The following HHAT variants were observed in gnomAD, a reference collection of about 807,000 sequenced individuals.
HHAT encodes the protein protein-cysteine N-palmitoyltransferase HHAT.
In HHAT, 47 loss-of-function variants were observed where a neutral mutation model predicts 70.8. That is an observed-to-expected ratio of 0.66 (90% CI 0.53 to 0.85). The LOEUF (loss-of-function observed/expected upper bound fraction) is 0.85. HHAT is among the 40% of genes least tolerant of loss of function. The pLI is 0.00. For synonymous variants in HHAT, 228 were observed against 247.6 expected, an observed-to-expected ratio of 0.92 and a Z score of 0.74; for missense variants, 609 against 604.8, an observed-to-expected ratio of 1.01 and a Z score of -0.07.
rs1553313987 is a variant in HHAT at position 210,340,242 on chromosome 1, G to GGGGAAAAAAAAAAA, written c.-43-8691_-43-8690insGGGAAAAAAAAAAA. ...GGGGATAGAGCAAGACTCTGTCTCA[G>GGGGAAAAAAAAAAA]AAAAAAAAAAAAAAAAAAAAAAAAA... On this transcript the variant is annotated intron_variant, in intron 1 of 11. Transcript: ENST00000261458. Among the ~76,000 whole-genome samples the GGGGAAAAAAAAAAA allele has an allele frequency of 2.0e-5, 2 of 99,784 alleles. 1 individual carries two copies. The highest frequency in any genetic ancestry group is 6.8e-5 in the African/African-American group (2 of 29,606). The allele number at this position is 99,784 out of a possible 152,430, so 65.5% of individuals were successfully genotyped here.
chr1:210,674,552 C>A lies in HHAT; in HGVS notation c.*173C>A, dbSNP rs1680833836. ...CATAGAAAATTCACAGCCAGACAATCTTCTAATCTGGAGTCTTTGAGATCT... is the reference window on the plus strand; with the variant it reads ...CATAGAAAATTCACAGCCAGACAATATTCTAATCTGGAGTCTTTGAGATCT... On this transcript the variant is annotated 3_prime_UTR_variant, in exon 12 of 12. Transcript: ENST00000261458. The A allele has an allele frequency of 1.7e-6, 1 of 585,798 alleles. No homozygotes were observed. The highest frequency in any genetic ancestry group is 2.2e-5 in the South Asian group (1 of 46,332). The allele number at this position is 585,798 out of a possible 1,614,324, so 36.3% of individuals were successfully genotyped here.
chr1:210,545,436 CTTTT>C (rs71571956), intron 9 of HHAT, among the ~76,000 whole-genome samples: 1 of 127,184 alleles, frequency 7.9e-6, no homozygotes, highest in Non-Finnish European at 1.6e-5. Context: ...CTTTTTTTTC[CTTTT>C]TTTTTTTTTT....
At chr1:210,557,820 G>A (rs543845443) in intron 9 of HHAT, among the ~76,000 whole-genome samples, 2 of 152,262 alleles carry the variant, frequency 1.3e-5, no homozygotes, top group East Asian at 3.9e-4. Flanking sequence ...TGAAATTTGG[G>A]TGGGAACACA....
At chr1:210,578,442 G>C (rs555751558) in intron 9 of HHAT, among the ~76,000 whole-genome samples, 1 of 152,048 alleles carries the variant, frequency 6.6e-6, no homozygotes, top group Non-Finnish European at 1.5e-5. Flanking sequence ...ATAAAAAAGA[G>C]CTACTATGTG....
chr1:210,518,274 T>A (rs1325030798), intron 9 of HHAT, among the ~76,000 whole-genome samples: 2 of 152,184 alleles, frequency 1.3e-5, no homozygotes, highest in Non-Finnish European at 2.9e-5. Flanking sequence ...AACCACTGTT[T>A]TATTCTCTGT....
At chr1:210,516,675 C>T (rs771058865) in intron 9 of HHAT, among the ~76,000 whole-genome samples, 2 of 152,120 alleles carry the variant, frequency 1.3e-5, no homozygotes, top group Non-Finnish European at 2.9e-5. Flanking sequence ...TTTATTAGCT[C>T]CAACAAGCTC....
intron 9 of HHAT, among the ~76,000 whole-genome samples, chr1:210,558,269 C>T (rs1038273733): frequency 6.6e-6 from 1 of 152,116 alleles, no homozygotes; most frequent in Non-Finnish European, 1.5e-5. Flanking sequence ...TCTCAGTGTC[C>T]CTCATAGTTC....
At chr1:210,615,498 A>G (rs1423471336) in intron 10 of HHAT, among the ~76,000 whole-genome samples, 3 of 152,144 alleles carry the variant, frequency 2.0e-5, no homozygotes, top group Non-Finnish European at 4.4e-5. Flanking sequence ...CATTCCTTTG[A>G]AGGAGGAGAG....
At chr1:210,568,026 G>A (rs952941098) in intron 9 of HHAT, among the ~76,000 whole-genome samples, 9 of 152,230 alleles carry the variant, frequency 5.9e-5, no homozygotes, top group African/African-American at 2.2e-4. Context: ...GTAGCTTCAG[G>A]ATGAGGCTCA....
intron 9 of HHAT, among the ~76,000 whole-genome samples, chr1:210,552,390 G>T (rs1222829091): frequency 6.6e-6 from 1 of 152,176 alleles, no homozygotes; most frequent in East Asian, 1.9e-4. Context: ...AAAACCTCTG[G>T]CCTGTGCCTT....
At chr1:210,361,447 C>T (rs915865830) in intron 2 of HHAT, among the ~76,000 whole-genome samples, 2 of 152,142 alleles carry the variant, frequency 1.3e-5, no homozygotes, top group East Asian at 1.9e-4. Context: ...GGCTGGGGCT[C>T]CTGGAGGTGT....
intron 6 of HHAT, 30 bp downstream of exon 6, chr1:210,404,709 T>A (rs2092254095): frequency 6.4e-7 from 1 of 1,570,142 alleles, no homozygotes; most frequent in African/African-American, 1.4e-5. Context: ...GGATTGGGAT[T>A]CTATAGCTTA....
Position 210,464,628 on chromosome 1 carries a change from C to T in HHAT, c.980C>T (p.Thr327Ile), listed in dbSNP as rs2148440238. ...TPPALPRCVS[T>I]MFSFTGMWRY... ...CCCGCCCTCCCCCGCTGCGTGAGCACCATGTTCAGTTTCACCGGGATGTGG... is the reference window on the plus strand; with the variant it reads ...CCCGCCCTCCCCCGCTGCGTGAGCATCATGTTCAGTTTCACCGGGATGTGG... Residue 327 changes from threonine to isoleucine, a missense_variant, in exon 8 of 12, where the codon ACC becomes ATC. Coordinates refer to ENST00000261458, the MANE Select transcript of HHAT (RefSeq NM_018194.6). The T allele has an allele frequency of 3.7e-6, 6 of 1,614,194 alleles. No homozygotes were observed. Among genetic ancestry groups the T allele is most frequent in the East Asian group, 2.2e-5 (1 of 44,872 alleles).
chr1:210,560,817 A>T (rs944514881), intron 9 of HHAT, among the ~76,000 whole-genome samples: 3 of 42,054 alleles, frequency 7.1e-5, no homozygotes, highest in African/African-American at 1.6e-4. Flanking sequence ...TGTGTCTTAA[A>T]AAAAAAAAAA....
chr1:210,558,695 G>C (rs898814663), intron 9 of HHAT, among the ~76,000 whole-genome samples: 1 of 152,140 alleles, frequency 6.6e-6, no homozygotes, highest in African/African-American at 2.4e-5. Context: ...TTTCCAAATG[G>C]GTAAGCAGTC....
At chr1:210,563,543 A>G (rs1031249601) in intron 9 of HHAT, among the ~76,000 whole-genome samples, 1 of 152,134 alleles carries the variant, frequency 6.6e-6, no homozygotes, top group African/African-American at 2.4e-5. Flanking sequence ...TCACAAGGGC[A>G]CTCTTGCACA....
At chr1:210,493,476 A>G (rs1257040999) in intron 8 of HHAT, among the ~76,000 whole-genome samples, 2 of 152,112 alleles carry the variant, frequency 1.3e-5, no homozygotes, top group Non-Finnish European at 2.9e-5. Flanking sequence ...ATGGAGGGTA[A>G]TCTGCTTTAT....
chr1:210,387,670 G>A (rs2091185533), intron 4 of HHAT, 89 bp downstream of exon 4: 1 of 953,954 alleles, frequency 1.0e-6, no homozygotes, highest in Non-Finnish European at 1.6e-6. Flanking sequence ...GGAAGACTTG[G>A]ATATTAGCAC....
At chr1:210,523,630 G>A (rs1209336998) in intron 9 of HHAT, among the ~76,000 whole-genome samples, 2 of 152,128 alleles carry the variant, frequency 1.3e-5, no homozygotes, top group East Asian at 1.9e-4. Context: ...GCACACGTGC[G>A]CATGTGTGTT....
Sources: allele counts gnomAD v4.1 joint callset (sites outside exome capture counted in the v4.1 genomes callset), GRCh38; gene constraint gnomAD v4.1.1; transcripts MANE v1.5; gene names NCBI Gene and HGNC (gene_info 2026-07-23, HGNC 2026-07-21).